The following KCNIP4 variants were observed in gnomAD, a reference collection of about 807,000 sequenced individuals.
KCNIP4 encodes Kv channel-interacting protein 4.
KCNIP4 carries 12 observed loss-of-function variants against 34.0 expected under a neutral mutation model. That is an observed-to-expected ratio of 0.35 (90% confidence interval 0.23 to 0.57). The LOEUF is 0.57. Ranked by LOEUF, KCNIP4 falls within the 20% of genes least tolerant of loss-of-function variation. The pLI is 0.83. For missense variants in KCNIP4, 238 were observed against 311.7 expected, an observed-to-expected ratio of 0.76 and a Z score of 1.78; for synonymous variants, 124 against 102.2, an observed-to-expected ratio of 1.21 and a Z score of -1.29.
chr4:21,704,582 CAGATGGCA>C (rs1174015901), intron 1 of KCNIP4, among the ~76,000 whole-genome samples: 1 of 152,060 alleles, frequency 6.6e-6, no homozygotes, highest in African/African-American at 2.4e-5. Flanking sequence ...AAAGGTAAAA[CAGATGGCA>C]AGTAAGCACA....
intron 1 of KCNIP4, chr4:21,608,791 T>A (rs4572865): frequency 6.6e-6 from 1 of 152,010 alleles, no homozygotes; most frequent in Non-Finnish European, 1.5e-5. Flanking sequence ...AAATTTTTGC[T>A]TCTAATTTTC....
At chr4:21,655,138 A>G (rs1265686337) in intron 1 of KCNIP4, among the ~76,000 whole-genome samples, 3 of 152,192 alleles carry the variant, frequency 2.0e-5, no homozygotes, top group Admixed American at 6.5e-5. Flanking sequence ...CAGCAAGTAT[A>G]TGTGTACAGC....
chr4:21,224,111 T>A (rs1478355242), intron 1 of KCNIP4, among the ~76,000 whole-genome samples: 3 of 152,134 alleles, frequency 2.0e-5, no homozygotes, highest in Non-Finnish European at 2.9e-5. Flanking sequence ...GTTTTAAGAA[T>A]CTGCCCAGCC....
chr4:21,218,205 G>A (rs1183967296), intron 1 of KCNIP4, among the ~76,000 whole-genome samples: 1 of 151,748 alleles, frequency 6.6e-6, no homozygotes, highest in African/African-American at 2.4e-5. Context: ...AGTAGAGACA[G>A]AGTTTCACCA....
intron 1 of KCNIP4, among the ~76,000 whole-genome samples, chr4:21,478,122 T>G (rs1427259256): frequency 1.3e-5 from 2 of 152,164 alleles, no homozygotes; most frequent in Non-Finnish European, 1.5e-5. Flanking sequence ...TTAAAAAATC[T>G]TTACTTCTAT....
intron 1 of KCNIP4, among the ~76,000 whole-genome samples, chr4:21,707,748 G>T (rs1395425849): frequency 6.6e-6 from 1 of 151,994 alleles, no homozygotes; most frequent in Non-Finnish European, 1.5e-5. Context: ...TCATGGGCTT[G>T]GAATTTGGAT....
At chr4:21,277,966 A>G (rs1578008620) in intron 1 of KCNIP4, among the ~76,000 whole-genome samples, 3 of 152,204 alleles carry the variant, frequency 2.0e-5, no homozygotes, top group Non-Finnish European at 4.4e-5. Context: ...TTTAAACAAG[A>G]TATGAGAATA....
chr4:21,431,209 A>T (rs1159905131), intron 1 of KCNIP4, among the ~76,000 whole-genome samples: 2 of 152,102 alleles, frequency 1.3e-5, no homozygotes, highest in African/African-American at 4.8e-5. Flanking sequence ...AACTGTGTCT[A>T]TGAAGATACA....
chr4:21,836,861 C>T (rs1723353166), intron 1 of KCNIP4, among the ~76,000 whole-genome samples: 1 of 150,806 alleles, frequency 6.6e-6, no homozygotes, highest in Admixed American at 6.6e-5. Context: ...TCCCAAAGTG[C>T]AGAGGTATTA....
chr4:21,273,991 A>G (rs1173508995), intron 1 of KCNIP4, among the ~76,000 whole-genome samples: 1 of 152,206 alleles, frequency 6.6e-6, no homozygotes, highest in Non-Finnish European at 1.5e-5. Flanking sequence ...TGCTTATTAA[A>G]TTATTGCAGA....
intron 1 of KCNIP4, among the ~76,000 whole-genome samples, chr4:21,895,168 T>G (rs1727315382): frequency 6.6e-6 from 1 of 152,190 alleles, no homozygotes; most frequent in South Asian, 2.1e-4. Context: ...CTAGAGTATT[T>G]GTTTGTTTTG....
intron 1 of KCNIP4, chr4:21,697,663 C>T (rs1577866600): frequency 2.3e-6 from 3 of 1,287,992 alleles, no homozygotes; most frequent in Non-Finnish European, 2.9e-6. Context: ...TGAGAAAACA[C>T]GGCTTCTCAG....
intron 1 of KCNIP4, among the ~76,000 whole-genome samples, chr4:21,562,874 T>C (rs1163238043): frequency 2.6e-5 from 4 of 152,050 alleles, no homozygotes; most frequent in Non-Finnish European, 5.9e-5. Context: ...AAAAATACTT[T>C]CACATTTATA....
rs373323933 is a variant in KCNIP4, at chr4:21,589,362, A to G, written c.61+359209T>C. On this transcript the variant is annotated intron_variant, in intron 1 of 8. Transcript: ENST00000382152. ...TATACATGTGTATGTATATATGTAC[A>G]TATATATATACATGTTCAGGGTCGG... Among the ~76,000 whole-genome samples the G allele has an allele frequency of 2.0e-3, 298 of 148,194 alleles. 3 individuals are homozygous for G. The highest frequency in any genetic ancestry group is 2.3e-3 in the Non-Finnish European group (154 of 66,704).
At chr4:21,924,099 A>G (rs930351009) in intron 1 of KCNIP4, among the ~76,000 whole-genome samples, 4 of 152,218 alleles carry the variant, frequency 2.6e-5, no homozygotes. Flanking sequence ...ACATATCCAG[A>G]AAATTAGTAG....
At chr4:21,283,797 T>G (rs892119755) in intron 1 of KCNIP4, among the ~76,000 whole-genome samples, 5 of 151,076 alleles carry the variant, frequency 3.3e-5, no homozygotes, top group African/African-American at 4.9e-5. Context: ...GCTTAAAGTA[T>G]AATAATAAAA....
rs964974459 is a variant in KCNIP4 at position 20,776,879 on chromosome 4, G to A, written c.289-17989C>T. On this transcript the variant is annotated intron_variant, in intron 3 of 8. Transcript: ENST00000382152. ...TTTCTCCATTTTGTGACCATTATAG[G>A]GTAATTATGAATAGATGAAGGCATG... Among the ~76,000 whole-genome samples, 8 of 152,042 alleles carry A rather than the reference G, an allele frequency of 5.3e-5. No homozygotes were observed. In the East Asian group the frequency reaches 1.5e-3, roughly 29 times the overall value.
At chr4:21,619,839 T>G (rs1228968355) in intron 1 of KCNIP4, among the ~76,000 whole-genome samples, 1 of 152,190 alleles carries the variant, frequency 6.6e-6, no homozygotes, top group East Asian at 1.9e-4. Flanking sequence ...ACTCAGATAT[T>G]AAAAATCATA....
chr4:21,177,858 T>TTATATATATATATATATATA (rs3080785), intron 1 of KCNIP4, among the ~76,000 whole-genome samples: 103 of 139,284 alleles, frequency 7.4e-4, no homozygotes, highest in African/African-American at 2.7e-3. Flanking sequence ...AAAAAAAAAA[T>TTATATATATATATATATATA]TATATATATA....
Sources: gnomAD v4.1 joint callset for allele counts (sites outside exome capture counted in the v4.1 genomes callset) on GRCh38, gnomAD v4.1.1 for gene constraint, MANE v1.5 for transcripts, NCBI Gene and HGNC (gene_info 2026-07-23, HGNC 2026-07-21) for gene names.